The following NXPE2 variants were observed in gnomAD, a reference collection of about 807,000 sequenced individuals.
The protein encoded by NXPE2 is NXPE family member 2.
NXPE2 carries 34 observed loss-of-function variants against 34.4 expected under a neutral mutation model. That is an observed-to-expected ratio of 0.99 (90% CI 0.75 to 1.31). NXPE2 has a LOEUF of 1.31. Ranked by LOEUF, NXPE2 falls within the 40% of genes most tolerant of loss-of-function variation. NXPE2 has a pLI of 0.00. For synonymous variants in NXPE2, 235 were observed against 231.3 expected (o/e 1.02, Z -0.15); for missense variants, 649 against 672.5 (o/e 0.97, Z 0.39).
the NXPE2 span, among the ~76,000 whole-genome samples, chr11:114,747,353 CAG>C: frequency 6.6e-6 from 1 of 151,778 alleles, no homozygotes; most frequent in African/African-American, 2.4e-5. Context: ...AGCAGGGAAA[CAG>C]ATATTGGAGA....
the NXPE2 span, among the ~76,000 whole-genome samples, chr11:114,658,901 G>T: frequency 1.3e-5 from 2 of 152,286 alleles, no homozygotes; most frequent in South Asian, 4.1e-4. Context: ...CAGGTAGAAA[G>T]CAACAGCAAT....
the NXPE2 span, among the ~76,000 whole-genome samples, chr11:114,605,509 T>C: frequency 1.3e-5 from 2 of 151,766 alleles, no homozygotes; most frequent in Non-Finnish European, 2.9e-5. Flanking sequence ...TGTTGCCCCG[T>C]GGGTAACCAC....
At chr11:114,797,160 C>T in the NXPE2 span, among the ~76,000 whole-genome samples, 3 of 152,168 alleles carry the variant, frequency 2.0e-5, no homozygotes, top group African/African-American at 4.8e-5. Context: ...TGTGACTGAT[C>T]TCCCTCCTCA....
chr11:114,577,405 G>T, the NXPE2 span, among the ~76,000 whole-genome samples: 1 of 151,896 alleles, frequency 6.6e-6, no homozygotes, highest in Non-Finnish European at 1.5e-5. Context: ...GGAGGAAAGG[G>T]TCAGCGTTGG....
the NXPE2 span, among the ~76,000 whole-genome samples, chr11:114,784,687 T>G: frequency 6.6e-6 from 1 of 152,072 alleles, no homozygotes; most frequent in Non-Finnish European, 1.5e-5. Context: ...GAAAAAAAGC[T>G]CTCTCTTCGA....
chr11:114,612,564 C>A, the NXPE2 span, among the ~76,000 whole-genome samples: 1 of 151,866 alleles, frequency 6.6e-6, no homozygotes, highest in East Asian at 2.0e-4. Context: ...TCATGGGTAA[C>A]CACTGTTACC....
chr11:114,786,459 G>A, the NXPE2 span, among the ~76,000 whole-genome samples: 14 of 149,918 alleles, frequency 9.3e-5, no homozygotes, highest in South Asian at 6.3e-4. Flanking sequence ...CTCACTGACC[G>A]GATATTTGTT....
chr11:114,790,733 C>G, the NXPE2 span, among the ~76,000 whole-genome samples: 1 of 151,928 alleles, frequency 6.6e-6, no homozygotes, highest in Non-Finnish European at 1.5e-5. Context: ...TGCCAGGTCT[C>G]GAAGCTTTTC....
At chr11:114,628,318 G>A in the NXPE2 span, among the ~76,000 whole-genome samples, 3 of 151,734 alleles carry the variant, frequency 2.0e-5, no homozygotes, top group South Asian at 2.1e-4. Flanking sequence ...ATAACAAACT[G>A]TCTCTCAGAC....
At chr11:114,472,478 A>G in the NXPE2 span, among the ~76,000 whole-genome samples, 2 of 152,212 alleles carry the variant, frequency 1.3e-5, no homozygotes, top group Admixed American at 1.3e-4. Flanking sequence ...CCTGGGTCAC[A>G]TGTGGCCCAC....
the NXPE2 span, among the ~76,000 whole-genome samples, chr11:114,605,387 G>A: frequency 6.6e-6 from 1 of 151,860 alleles, no homozygotes; most frequent in Non-Finnish European, 1.5e-5. Context: ...ATTGCCTATG[G>A]GTAACCACTG....
intron 2 of NXPE2, among the ~76,000 whole-genome samples, chr11:114,680,515 A>G (rs1950931262): frequency 1.3e-5 from 2 of 152,002 alleles, no homozygotes; most frequent in South Asian, 4.1e-4. Flanking sequence ...GGCCCTCTCT[A>G]TAAATATGTG....
At chr11:114,777,092 C>T in the NXPE2 span, among the ~76,000 whole-genome samples, 4 of 152,230 alleles carry the variant, frequency 2.6e-5, no homozygotes, top group Middle Eastern at 3.2e-3. Flanking sequence ...CTTTGTTTCA[C>T]AATGATTTTT....
At chr11:114,742,433 AG>A in the NXPE2 span, among the ~76,000 whole-genome samples, 1 of 152,166 alleles carries the variant, frequency 6.6e-6, no homozygotes, top group African/African-American at 2.4e-5. Context: ...GAAATGAGAA[AG>A]AAGTGGGCCT....
chr11:114,732,538 T>G, the NXPE2 span, among the ~76,000 whole-genome samples: 1 of 152,248 alleles, frequency 6.6e-6, no homozygotes, highest in Non-Finnish European at 1.5e-5. Context: ...CACTGGTTTT[T>G]GACAATTTTA....
the NXPE2 span, among the ~76,000 whole-genome samples, chr11:114,767,721 G>C: frequency 6.6e-6 from 1 of 152,114 alleles, no homozygotes; most frequent in Non-Finnish European, 1.5e-5. Context: ...ACTCCACACA[G>C]ATGCTATGCT....
chr11:114,551,297 C>A, the NXPE2 span: 1 of 1,346,874 alleles, frequency 7.4e-7, no homozygotes, highest in Non-Finnish European at 9.9e-7. Context: ...TGTAATTTGC[C>A]TCCAACATTT....
At chr11:114,768,400 T>C in the NXPE2 span, among the ~76,000 whole-genome samples, 5 of 152,364 alleles carry the variant, frequency 3.3e-5, no homozygotes, top group African/African-American at 9.6e-5. Flanking sequence ...ACAGCTCTTG[T>C]TTGGTTCCAT....
At chr11:114,612,933 C>T in the NXPE2 span, among the ~76,000 whole-genome samples, 3 of 151,768 alleles carry the variant, frequency 2.0e-5, no homozygotes, top group African/African-American at 7.3e-5. Flanking sequence ...TGTTGCATCG[C>T]ATGTATCCAC....
Sources: allele counts gnomAD v4.1 joint callset (sites outside exome capture counted in the v4.1 genomes callset), GRCh38; gene constraint gnomAD v4.1.1; transcripts MANE v1.5; gene names NCBI Gene and HGNC (gene_info 2026-07-23, HGNC 2026-07-21).